Variants in SLC24A2 observed in about 807,000 individuals in gnomAD.
SLC24A2 encodes solute carrier family 24 member 2.
Under a neutral mutation model 62.0 loss-of-function variants are expected in SLC24A2, and 36 were observed. The observed-to-expected ratio is 0.58, with a 90% CI of 0.44 to 0.77. The LOEUF is 0.77. Among genes scored for constraint, SLC24A2 ranks in the 30% least tolerant of loss-of-function variants. SLC24A2 has a pLI of 0.00. For missense variants in SLC24A2, 846 were observed against 817.9 expected (o/e 1.03, Z -0.42); for synonymous variants, 358 against 294.0 (o/e 1.22, Z -2.23).
chr9:19,853,755 C>T, the SLC24A2 span, among the ~76,000 whole-genome samples: 1 of 151,770 alleles, frequency 6.6e-6, no homozygotes, highest in African/African-American at 2.4e-5. Context: ...ATCAGGGATA[C>T]TGGCCTGAAG....
At chr9:20,112,724 G>A in the SLC24A2 span, among the ~76,000 whole-genome samples, 1 of 152,000 alleles carries the variant, frequency 6.6e-6, no homozygotes, top group African/African-American at 2.4e-5. Context: ...TGGGGAGTGT[G>A]GTTCCTGGGG....
intron 8 of SLC24A2, among the ~76,000 whole-genome samples, chr9:19,530,632 G>C (rs937268380): frequency 3.3e-5 from 5 of 152,102 alleles, no homozygotes; most frequent in African/African-American, 1.2e-4. Flanking sequence ...TATCAGAAAA[G>C]GAATTAAAGG....
At chr9:19,717,544 C>T (rs1820893613) in intron 2 of SLC24A2, among the ~76,000 whole-genome samples, 1 of 152,116 alleles carries the variant, frequency 6.6e-6, no homozygotes, top group Admixed American at 6.5e-5. Flanking sequence ...AAGAACATAA[C>T]AACCAAAAAA....
intron 8 of SLC24A2, among the ~76,000 whole-genome samples, chr9:19,543,759 C>T (rs1174139241): frequency 6.6e-6 from 1 of 152,080 alleles, no homozygotes; most frequent in African/African-American, 2.4e-5. Flanking sequence ...TTTCTTAATC[C>T]TGAGTTCTAA....
At chr9:19,658,818 G>A (rs1357022128) in intron 2 of SLC24A2, among the ~76,000 whole-genome samples, 1 of 152,138 alleles carries the variant, frequency 6.6e-6, no homozygotes, top group Non-Finnish European at 1.5e-5. Flanking sequence ...AGATGTAAAA[G>A]GCCAAGGGCT....
chr9:20,100,198 T>G, the SLC24A2 span, among the ~76,000 whole-genome samples: 9 of 151,616 alleles, frequency 5.9e-5, no homozygotes, highest in Non-Finnish European at 1.2e-4. Context: ...GTGTGTGTTT[T>G]TGTTTGTTTT....
chr9:20,086,266 C>T, the SLC24A2 span, among the ~76,000 whole-genome samples: 4 of 152,254 alleles, frequency 2.6e-5, no homozygotes, highest in East Asian at 7.7e-4. Flanking sequence ...CCCATCCTCC[C>T]CATTCTCCAC....
intron 7 of SLC24A2, among the ~76,000 whole-genome samples, chr9:19,571,852 G>T (rs1263084132): frequency 1.3e-5 from 2 of 152,214 alleles, no homozygotes; most frequent in Non-Finnish European, 2.9e-5. Context: ...CTGTGTTCTA[G>T]AGAGAGTGGT....
the SLC24A2 span, among the ~76,000 whole-genome samples, chr9:19,954,525 C>G: frequency 6.6e-6 from 1 of 151,834 alleles, no homozygotes; most frequent in Non-Finnish European, 1.5e-5. Flanking sequence ...GATTGGAAAT[C>G]ATTGATTTTG....
At chr9:19,647,310 T>C (rs976354770) in intron 2 of SLC24A2, among the ~76,000 whole-genome samples, 4 of 152,236 alleles carry the variant, frequency 2.6e-5, no homozygotes, top group African/African-American at 9.6e-5. Context: ...CACCCCTTTT[T>C]TCTAAATCTC....
chr9:19,519,384 C>T (rs1171563343), intron 10 of SLC24A2, among the ~76,000 whole-genome samples: 1 of 147,958 alleles, frequency 6.8e-6, no homozygotes, highest in African/African-American at 2.6e-5. Context: ...TGTATGTATA[C>T]AACTTAAGAA....
intron 2 of SLC24A2, among the ~76,000 whole-genome samples, chr9:19,636,290 T>TTTCCTTTCCTTTCC (rs1818316376): frequency 2.5e-5 from 1 of 40,304 alleles, no homozygotes; most frequent in African/African-American, 9.3e-5. Flanking sequence ...TCTTCTCTTC[T>TTTCCTTTCCTTTCC]TTTCTTTTCT....
chr9:20,194,797 C>G, the SLC24A2 span, among the ~76,000 whole-genome samples: 5 of 151,838 alleles, frequency 3.3e-5, no homozygotes, highest in African/African-American at 1.2e-4. Context: ...TAGAGAACAC[C>G]TGGATCAAGT....
chr9:20,179,206 C>T, the SLC24A2 span, among the ~76,000 whole-genome samples: 1 of 152,130 alleles, frequency 6.6e-6, no homozygotes, highest in Non-Finnish European at 1.5e-5. Context: ...CCCAAGGGGA[C>T]TGTGCCTTGC....
At chr9:20,107,011 C>T in the SLC24A2 span, among the ~76,000 whole-genome samples, 1 of 152,150 alleles carries the variant, frequency 6.6e-6, no homozygotes. Context: ...TCTCAGGATA[C>T]AAAATCAATG....
intron 2 of SLC24A2, among the ~76,000 whole-genome samples, chr9:19,651,317 C>A (rs1167713484): frequency 6.6e-6 from 1 of 152,174 alleles, no homozygotes; most frequent in African/African-American, 2.4e-5. Context: ...CTCATAATAA[C>A]CCAATGGTGA....
intron 2 of SLC24A2, among the ~76,000 whole-genome samples, chr9:19,703,618 G>A (rs1820420797): frequency 6.6e-6 from 1 of 152,120 alleles, no homozygotes; most frequent in Admixed American, 6.5e-5. Context: ...GAAGAAGCAA[G>A]ATTAAAACTC....
chr9:19,560,687 A>G (rs935987433), intron 7 of SLC24A2, among the ~76,000 whole-genome samples: 4 of 152,202 alleles, frequency 2.6e-5, no homozygotes, highest in African/African-American at 9.6e-5. Context: ...CAGCCCCAGT[A>G]GGCTAATACA....
chr9:19,977,890 T>C, the SLC24A2 span, among the ~76,000 whole-genome samples: 3 of 152,262 alleles, frequency 2.0e-5, no homozygotes, highest in Middle Eastern at 3.4e-3. Context: ...TATGCCCTAA[T>C]TGGACCAGAA....
Sources: gnomAD v4.1 joint callset for allele counts (sites outside exome capture counted in the v4.1 genomes callset) on GRCh38, gnomAD v4.1.1 for gene constraint, MANE v1.5 for transcripts, NCBI Gene and HGNC (gene_info 2026-07-23, HGNC 2026-07-21) for gene names.